Variants in RPS6KA4 observed in about 807,000 individuals in gnomAD.
The protein encoded by RPS6KA4 is ribosomal protein S6 kinase alpha-4.
RPS6KA4 carries 38 observed loss-of-function variants against 89.6 expected under a neutral mutation model. The ratio of observed to expected loss-of-function variants is 0.42; its 90% CI spans 0.33 to 0.56. The LOEUF is 0.56. Ranked by LOEUF, RPS6KA4 falls within the 20% of genes least tolerant of loss-of-function variation. RPS6KA4 has a pLI of 0.07. For missense variants in RPS6KA4, 873 were observed against 1,098.8 expected, an observed-to-expected ratio of 0.79 and a Z score of 2.90; for synonymous variants, 495 against 492.8, an observed-to-expected ratio of 1.00 and a Z score of -0.06.
chr11:64,366,992 G>A (rs1410707110), intron 9 of RPS6KA4, among the ~76,000 whole-genome samples: 1 of 152,108 alleles, frequency 6.6e-6, no homozygotes, highest in African/African-American at 2.4e-5. Flanking sequence ...TCATGATAAA[G>A]TTCTTTCTCT....
Position 64,361,971 on chromosome 11 carries a change from C to T in RPS6KA4, c.875C>T (p.Ala292Val), listed in dbSNP as rs1341577756. The T allele has an allele frequency of 1.2e-6, 2 of 1,610,908 alleles. No homozygotes were observed. Among genetic ancestry groups the T allele is most frequent in the Admixed American group, 1.7e-5 (1 of 58,968 alleles). The part of the protein sequence containing the change: ...KKRLGAGPQG[A>V]QEVRNHPFFQ... ...CGATTGGGCGCGGGGCCCCAGGGGG[C>T]ACAAGAAGTCCGGAACCATCCCTTC... The change falls in exon 8 of 17, where the codon GCA (alanine) becomes GTA (valine). Residue 292 changes from alanine to valine, a missense_variant. This residue lies in a region of RPS6KA4 where 542 missense variants were observed against 736.4 expected (regional missense o/e 0.74). Coordinates refer to ENST00000334205, the MANE Select transcript of RPS6KA4 (RefSeq NM_003942.3). This position sits in a 1 kb window ranked among gnomAD's most constrained non-coding sequence, Gnocchi z 4.7.
At chr11:64,359,322 G>T (rs1157782551) in intron 1 of RPS6KA4, 32 bp downstream of exon 1, 1 of 1,605,284 alleles carries the variant, frequency 6.2e-7, no homozygotes, top group South Asian at 1.1e-5. Context: ...GGCTGCCCGG[G>T]GCAGGCCGGG....
chr11:64,360,224 C>T lies in RPS6KA4; in HGVS notation c.189C>T (p.Ala63=). The change falls in exon 3 of 17, where the codon GCC becomes GCT. Residue 63 remains alanine (A), a synonymous_variant. Transcript: ENST00000334205. The part of the protein sequence containing the change: ...AGGHDAGKLY[A]MKVLRKAALV... ...GGCACGACGCGGGGAAGCTGTACGC[C>T]ATGAAGGTGCTGCGCAAGGCGGCGC... The T allele has an allele frequency of 1.3e-6, 2 of 1,548,334 alleles. No individual in the cohort carries two copies. Among genetic ancestry groups the T allele is most frequent in the African/African-American group, 1.4e-5 (1 of 73,132 alleles).
chr11:64,361,137 G>C lies in RPS6KA4; in HGVS notation c.466G>C (p.Gly156Arg). 1.9e-6 allele frequency: 3 copies of C among 1,612,936 alleles called. No homozygotes were observed. Among genetic ancestry groups the C allele is most frequent in the Non-Finnish European group, 2.5e-6 (3 of 1,179,848 alleles). ...VLALEHLHKL[G>R]IIYRDLKLEN... ...GCACCCCTCTTGCTCCTACCAGCTC[G>C]GCATCATTTACCGAGACCTGAAACT... The change falls in exon 5 of 17, where the codon GGC becomes CGC. Residue 156 changes from glycine to arginine, a missense_variant. This residue lies in a region of RPS6KA4 where 542 missense variants were observed against 736.4 expected (regional missense o/e 0.74). Transcript: ENST00000334205. The surrounding 1 kb of genome is among the most constrained non-coding windows in gnomAD (Gnocchi z 4.7).
rs751953692 is a variant in RPS6KA4 at position 64,368,617 on chromosome 11, C to A, written c.1334+16C>A. 2 of 1,588,944 alleles carry A rather than the reference C, an allele frequency of 1.3e-6. No homozygotes were observed. Among genetic ancestry groups the A allele is most frequent in the African/African-American group, 1.3e-5 (1 of 74,120 alleles). Reference sequence around the variant, plus strand: ...TCAGTCGCAGGTGGGAGGGCCCAGGCGCGGGCAGGGGTGGGGGTGGCAGAG... The same window carrying A: ...TCAGTCGCAGGTGGGAGGGCCCAGGAGCGGGCAGGGGTGGGGGTGGCAGAG... On this transcript the variant is annotated intron_variant, in intron 11 of 16. Coordinates refer to ENST00000334205, the MANE Select transcript of RPS6KA4 (RefSeq NM_003942.3).
intron 8 of RPS6KA4, among the ~76,000 whole-genome samples, 174 bp downstream of exon 8, chr11:64,362,176 G>C (rs897292413): frequency 2.6e-5 from 4 of 152,246 alleles, no homozygotes; most frequent in African/African-American, 9.6e-5. Context: ...AAACTTGGCA[G>C]ATGTGTTCCT....
At position 64,360,381 on chromosome 11, in the gene RPS6KA4, G is replaced by A. The variant is rs760918515; in HGVS notation, c.346G>A (p.Asp116Asn). ...GGATGCCAAGCTGCACCTCATCCTG[G>A]GTGAGCGCACACCACATCCCAACGG... ...QTDAKLHLIL[D>N]YVSGGEMFTH... The change falls in exon 3 of 17, where the codon GAC (aspartate) becomes AAC (asparagine). Residue 116 changes from aspartate (D) to asparagine (N), a missense_variant and splice_region_variant. Around this residue, in one of 4 missense-constraint regions of RPS6KA4, gnomAD observed 542 missense variants for 736.4 expected, o/e 0.74. Coordinates refer to ENST00000334205, the MANE Select transcript of RPS6KA4 (RefSeq NM_003942.3). 6.4e-7 allele frequency: 1 copy of A among 1,551,934 alleles called. No individual in the cohort carries two copies. Among genetic ancestry groups the A allele is most frequent in the African/African-American group, 1.4e-5 (1 of 73,194 alleles).
rs774686500 is a variant in RPS6KA4, at chr11:64,365,331, A to C, written c.937A>C (p.Lys313Gln). The C allele has an allele frequency of 1.2e-5, 19 of 1,613,738 alleles. No individual in the cohort carries two copies. The Admixed American group carries it at 2.7e-4, about 23-fold the overall frequency. Residue 313 changes from lysine to glutamine, a missense_variant, in exon 9 of 17, where the codon AAG becomes CAG. Lys to Gln is a moderately conservative substitution (Grantham distance 53). Coordinates refer to ENST00000334205, the MANE Select transcript of RPS6KA4 (RefSeq NM_003942.3). Reference sequence around the variant, plus strand: ...CGATTGGGTGGCTCTGGCTGCCAGGAAGATTCCAGCCCCATTCCGGCCCCA... The same window carrying C: ...CGATTGGGTGGCTCTGGCTGCCAGGCAGATTCCAGCCCCATTCCGGCCCCA... ...GLDWVALAARKIPAPFRPQIR... is the reference protein window; with the variant it reads ...GLDWVALAARQIPAPFRPQIR...
Position 64,361,489 on chromosome 11 carries a change from C to T in RPS6KA4, c.591C>T (p.Phe197=). The change falls in exon 6 of 17, where the codon TTC becomes TTT. Residue 197 remains phenylalanine (F), a synonymous_variant. Coordinates refer to ENST00000334205, the MANE Select transcript of RPS6KA4 (RefSeq NM_003942.3). This position sits in a 1 kb window ranked among gnomAD's most constrained non-coding sequence, Gnocchi z 4.7. ...LTEEKERTFS[F]CGTIEYMAPE... is the part of the protein sequence containing the mutation. ...CCCAGAAAGAGCGGACCTTCTCCTT[C>T]TGTGGCACCATCGAGTACATGGCCC... The T allele has an allele frequency of 6.2e-7, 1 of 1,614,144 alleles. No homozygotes were observed. Among genetic ancestry groups the T allele is most frequent in the Non-Finnish European group, 8.5e-7 (1 of 1,180,024 alleles).
intron 8 of RPS6KA4, among the ~76,000 whole-genome samples, chr11:64,363,603 T>C (rs780003094): frequency 3.3e-5 from 5 of 152,180 alleles, no homozygotes; most frequent in Non-Finnish European, 5.9e-5. Flanking sequence ...GTGATTCTCC[T>C]GCCTCAGCCT....
chr11:64,360,769 C>T, intron 4 of RPS6KA4, 177 bp downstream of exon 4: 1 of 616,888 alleles, frequency 1.6e-6, no homozygotes, highest in South Asian at 2.0e-5. Context: ...TCAACGTTGC[C>T]TGGTGGGGTC....
chr11:64,361,124 C>T lies in RPS6KA4; in HGVS notation c.463-10C>T, dbSNP rs1184925372. 6.2e-7 allele frequency: 1 copy of T among 1,611,696 alleles called. No homozygotes were observed. The highest frequency in any genetic ancestry group is 1.7e-5 in the Admixed American group (1 of 59,946). On this transcript the variant is annotated splice_polypyrimidine_tract_variant and intron_variant, in intron 4 of 16. Transcript: ENST00000334205. This position sits in a 1 kb window ranked among gnomAD's most constrained non-coding sequence, Gnocchi z 4.7. ...GGAGGAAGCCTCAGCACCCCTCTTGCTCCTACCAGCTCGGCATCATTTACC... is the reference window on the plus strand; with the variant it reads ...GGAGGAAGCCTCAGCACCCCTCTTGTTCCTACCAGCTCGGCATCATTTACC...
chr11:64,367,469 C>A (rs1408196183), intron 9 of RPS6KA4, among the ~76,000 whole-genome samples: 1 of 152,194 alleles, frequency 6.6e-6, no homozygotes, highest in Non-Finnish European at 1.5e-5. Context: ...TGCCACCACG[C>A]CTGGCTAATT....
chr11:64,365,492 T>C, intron 9 of RPS6KA4, 27 bp downstream of exon 9: 1 of 1,612,696 alleles, frequency 6.2e-7, no homozygotes, highest in Non-Finnish European at 8.5e-7. Context: ...GGAACCCAGA[T>C]GCAGGAGAGA....
Position 64,368,280 on chromosome 11 carries a change from G to A in RPS6KA4, c.1200+20G>A, listed in dbSNP as rs1479000779. 1.9e-6 allele frequency: 3 copies of A among 1,610,842 alleles called. No homozygotes were observed. Among genetic ancestry groups the A allele is most frequent in the Non-Finnish European group, 2.5e-6 (3 of 1,178,720 alleles). The stretch of plus-strand genomic sequence containing the variant: ...ATGCAGGTGGGCTGGGCTGGGCTGG[G>A]TTGGGGGGAAATTGGTTTTAGGAGA... On this transcript the variant is annotated intron_variant, in intron 10 of 16. Coordinates refer to ENST00000334205, the MANE Select transcript of RPS6KA4 (RefSeq NM_003942.3).
Position 64,365,396 on chromosome 11 carries a change from A to G in RPS6KA4, c.1002A>G (p.Glu334=), listed in dbSNP as rs781453102. Residue 334 remains glutamate (E), a synonymous_variant, in exon 9 of 17, where the codon GAA becomes GAG. Transcript: ENST00000334205. ...SELDVGNFAE[E]FTRLEPVYSP... is the part of the protein sequence containing the mutation. ...TGGATGTGGGCAACTTTGCGGAGGAATTCACTCGGCTGGAGCCTGTCTACT... is the reference window on the plus strand; with the variant it reads ...TGGATGTGGGCAACTTTGCGGAGGAGTTCACTCGGCTGGAGCCTGTCTACT... 9 of 1,614,032 alleles carry G rather than the reference A, an allele frequency of 5.6e-6. No homozygotes were observed. In the East Asian group the frequency reaches 1.8e-4, roughly 32 times the overall value.
chr11:64,369,941 C>A (rs2037013375), intron 14 of RPS6KA4, 48 bp downstream of exon 14: 4 of 1,455,014 alleles, frequency 2.7e-6, no homozygotes, highest in Non-Finnish European at 3.6e-6. Context: ...TCGGACCTGG[C>A]GTCTTCCTGA....
chr11:64,370,388 C>CGGA lies in RPS6KA4; in HGVS notation c.1957+6_1957+8dup. ...GAAGCCAAGGAGCTGGTCCGAGGTG[C>CGGA]GGAGCTGGAGGTCATAGACCATGGT... is the stretch of plus-strand genomic sequence containing the variant. On this transcript the variant is annotated splice_donor_region_variant and intron_variant, in intron 15 of 16. Coordinates refer to ENST00000334205, the MANE Select transcript of RPS6KA4 (RefSeq NM_003942.3). This position sits in a 1 kb window ranked among gnomAD's most constrained non-coding sequence, Gnocchi z 4.1. 1 of 1,610,076 alleles carries CGGA rather than the reference C, an allele frequency of 6.2e-7. No homozygotes were observed. Among genetic ancestry groups the CGGA allele is most frequent in the Non-Finnish European group, 8.5e-7 (1 of 1,178,724 alleles).
At chr11:64,360,431 A>T (rs2036713643) in intron 3 of RPS6KA4, 46 bp from the exon 4 acceptor site, 1 of 1,585,680 alleles carries the variant, frequency 6.3e-7, no homozygotes, top group African/African-American at 1.3e-5. Flanking sequence ...GGGGCAGGCG[A>T]GGCCACCTGA....
Sources: allele counts gnomAD v4.1 joint callset (sites outside exome capture counted in the v4.1 genomes callset), GRCh38; gene constraint gnomAD v4.1.1; regional missense constraint gnomAD v4.1.1; non-coding constraint Gnocchi (gnomAD v3.1); transcripts MANE v1.5; gene names NCBI Gene and HGNC (gene_info 2026-07-23, HGNC 2026-07-21).